CRTC3: variants seen among roughly 807,000 people sequenced by gnomAD.
CRTC3 encodes CREB regulated transcription coactivator 3.
CRTC3 carries 26 observed loss-of-function variants against 74.5 expected under a neutral mutation model. The ratio of observed to expected loss-of-function variants is 0.35; its 90% CI spans 0.26 to 0.48. The LOEUF is 0.48. Ranked by LOEUF, CRTC3 falls within the 20% of genes least tolerant of loss-of-function variation. CRTC3 has a pLI of 0.99. For missense variants in CRTC3, 760 were observed against 787.3 expected (o/e 0.97, Z 0.41); for synonymous variants, 377 against 325.8 (o/e 1.16, Z -1.69).
intron 11 of CRTC3, among the ~76,000 whole-genome samples, chr15:90,632,443 G>T (rs1254036453): frequency 1.3e-5 from 2 of 152,020 alleles, no homozygotes; most frequent in Non-Finnish European, 2.9e-5. Flanking sequence ...CTTAAAAAAA[G>T]GAAATTTTAA....
chr15:90,586,045 T>C (rs1262280838), intron 2 of CRTC3, among the ~76,000 whole-genome samples: 1 of 152,198 alleles, frequency 6.6e-6, no homozygotes, highest in East Asian at 1.9e-4. Flanking sequence ...TGCAGTCCTC[T>C]GTAATATTGA....
At chr15:90,610,243 A>T (rs562798270) in intron 6 of CRTC3, among the ~76,000 whole-genome samples, 1 of 152,348 alleles carries the variant, frequency 6.6e-6, no homozygotes, top group East Asian at 1.9e-4. Context: ...AGGACCAACC[A>T]AAGAAAGATT....
At chr15:90,570,328 G>T (rs551060344) in intron 2 of CRTC3, among the ~76,000 whole-genome samples, 304 of 152,246 alleles carry the variant, frequency 2.0e-3, no homozygotes, top group Non-Finnish European at 2.9e-3. Context: ...GAGGGATGAG[G>T]CAGGGCTCGG....
chr15:90,609,079 T>C (rs991489844), intron 6 of CRTC3, among the ~76,000 whole-genome samples: 2 of 152,258 alleles, frequency 1.3e-5, no homozygotes, highest in African/African-American at 2.4e-5. Flanking sequence ...AGAACACTTA[T>C]GATCGTATTT....
chr15:90,579,027 G>C (rs190795109), intron 2 of CRTC3, among the ~76,000 whole-genome samples: 93 of 152,116 alleles, frequency 6.1e-4, no homozygotes, highest in Non-Finnish European at 4.4e-5. Flanking sequence ...GGTTGGTTTT[G>C]CATATGTAGA....
chr15:90,549,779 T>G (rs1288944289), intron 2 of CRTC3, among the ~76,000 whole-genome samples: 1 of 150,598 alleles, frequency 6.6e-6, no homozygotes, highest in Non-Finnish European at 1.5e-5. Flanking sequence ...CTCAGCTCAC[T>G]GCAACTTCTG....
chr15:90,634,546 T>C (rs1021574519), intron 11 of CRTC3, among the ~76,000 whole-genome samples: 3 of 152,212 alleles, frequency 2.0e-5, no homozygotes, highest in Non-Finnish European at 2.9e-5. Context: ...TACTTCTTCC[T>C]GCACACATCT....
intron 6 of CRTC3, among the ~76,000 whole-genome samples, chr15:90,613,231 T>C (rs1485192831): frequency 1.3e-5 from 2 of 150,216 alleles, no homozygotes; most frequent in African/African-American, 4.9e-5. Flanking sequence ...TGGCCGACTC[T>C]CACACCTTCT....
chr15:90,580,719 C>T (rs1357820963), intron 2 of CRTC3, among the ~76,000 whole-genome samples: 1 of 152,046 alleles, frequency 6.6e-6, no homozygotes, highest in Admixed American at 6.6e-5. Flanking sequence ...TGAGCCACTG[C>T]ACCCGGCCCA....
Position 90,644,005 on chromosome 15 carries a change from G to T in CRTC3, c.*1865G>T, listed in dbSNP as rs985663524. On this transcript the variant is annotated 3_prime_UTR_variant, in exon 15 of 15. Coordinates refer to ENST00000268184, the MANE Select transcript of CRTC3 (RefSeq NM_022769.5). ...CATTCCATTTCTATCTTCTGACCTTGCCTCTCATCTTTAAAATAACCCTCA... is the reference window on the plus strand; with the variant it reads ...CATTCCATTTCTATCTTCTGACCTTTCCTCTCATCTTTAAAATAACCCTCA... 4.3e-6 allele frequency: 1 copy of T among 232,130 alleles called. No individual in the cohort carries two copies. The highest frequency in any genetic ancestry group is 2.2e-5 in the African/African-American group (1 of 45,268). The allele number at this position is 232,130 out of a possible 1,614,324, so 14.4% of individuals were successfully genotyped here.
chr15:90,563,968 G>T (rs917246603), intron 2 of CRTC3, among the ~76,000 whole-genome samples: 1 of 151,974 alleles, frequency 6.6e-6, no homozygotes, highest in Non-Finnish European at 1.5e-5. Context: ...TGGCAAAAAT[G>T]TACTGAACTT....
intron 6 of CRTC3, chr15:90,613,789 G>T (rs1021324474): frequency 2.0e-5 from 3 of 152,052 alleles, no homozygotes; most frequent in Admixed American, 6.6e-5. Flanking sequence ...TTCTTGGCAC[G>T]GTTCTTTAGT....
chr15:90,560,549 T>G (rs906551058), intron 2 of CRTC3, among the ~76,000 whole-genome samples: 6 of 152,224 alleles, frequency 3.9e-5, no homozygotes, highest in African/African-American at 1.4e-4. Context: ...ATATCCCCTG[T>G]GGGGTTAACT....
intron 10 of CRTC3, among the ~76,000 whole-genome samples, chr15:90,626,696 C>T (rs1284600831): frequency 1.3e-5 from 2 of 151,340 alleles, no homozygotes; most frequent in Non-Finnish European, 2.9e-5. Context: ...GCTGCAACCT[C>T]TGCTTCCCAG....
chr15:90,614,619 A>T, intron 7 of CRTC3, 131 bp downstream of exon 7: 1 of 608,116 alleles, frequency 1.6e-6, no homozygotes, highest in Admixed American at 3.2e-5. Context: ...TGATTGGCTT[A>T]CTTTTCAGAG....
chr15:90,554,938 C>T (rs1424216709), intron 2 of CRTC3, among the ~76,000 whole-genome samples: 2 of 152,162 alleles, frequency 1.3e-5, no homozygotes, highest in African/African-American at 2.4e-5. Context: ...CCCACCCTGA[C>T]AATATTGCTG....
intron 2 of CRTC3, among the ~76,000 whole-genome samples, 168 bp downstream of exon 2, chr15:90,540,305 A>C (rs2151056236): frequency 6.6e-6 from 1 of 152,362 alleles, no homozygotes. Context: ...AGCATACGAT[A>C]GTGTTATTTC....
rs537212619 is a variant in CRTC3 at position 90,561,972 on chromosome 15, C to G, written c.231+21835C>G. The stretch of plus-strand genomic sequence containing the variant: ...GATGCCAGACATTGTAATTATTTCC[C>G]TGCTCAAAGGCAATAGTCAGTGCCT... On this transcript the variant is annotated intron_variant, in intron 2 of 14. Coordinates refer to ENST00000268184, the MANE Select transcript of CRTC3 (RefSeq NM_022769.5). 9.2e-5 allele frequency among the ~76,000 whole-genome samples: 14 copies of G among 152,320 alleles called. 1 individual carries two copies. Among genetic ancestry groups the G allele is most frequent in the African/African-American group, 3.4e-4 (14 of 41,570 alleles).
rs370707833 is a variant in CRTC3 at position 90,611,287 on chromosome 15, A to G, written c.578-3166A>G. On this transcript the variant is annotated intron_variant, in intron 6 of 14. Coordinates refer to ENST00000268184, the MANE Select transcript of CRTC3 (RefSeq NM_022769.5). ...GGGAGTTATTTTAGATTTGCCAGGCATGGGAGCACACAGAAGGAACATGGT... is the reference window on the plus strand; with the variant it reads ...GGGAGTTATTTTAGATTTGCCAGGCGTGGGAGCACACAGAAGGAACATGGT... 3.3e-5 allele frequency among the ~76,000 whole-genome samples: 5 copies of G among 152,000 alleles called. No homozygotes were observed. The East Asian group carries it at 5.8e-4, about 18-fold the overall frequency.
Sources: allele counts gnomAD v4.1 joint callset (sites outside exome capture counted in the v4.1 genomes callset), GRCh38; gene constraint gnomAD v4.1.1; transcripts MANE v1.5; gene names NCBI Gene and HGNC (gene_info 2026-07-23, HGNC 2026-07-21).